The following ICAM2 variants were observed in gnomAD, a reference collection of about 807,000 sequenced individuals.
ICAM2 encodes ICAM-2.
In ICAM2, 14 loss-of-function variants were observed where a neutral mutation model predicts 19.1. That is an observed-to-expected ratio of 0.73 (90% CI 0.48 to 1.15). The LOEUF (loss-of-function observed/expected upper bound fraction) is 1.15, where lower values mean the gene tolerates loss of function less well. Among genes scored for constraint, ICAM2 ranks in the 50% most tolerant of loss-of-function variants. The probability of loss-of-function intolerance (pLI) is 0.00; values close to 1 mark genes in which losing one functional copy is unlikely to be tolerated. For synonymous variants in ICAM2, 153 were observed against 152.7 expected (o/e 1.00, Z -0.01); for missense variants, 311 against 355.4 (o/e 0.88, Z 1.00).
chr17:64,016,586 C>A (rs771965533), intron 1 of ICAM2, among the ~76,000 whole-genome samples: 2 of 152,264 alleles, frequency 1.3e-5, no homozygotes, highest in Non-Finnish European at 2.9e-5. Context: ...AGTGGATATA[C>A]TTTCCAGCCT....
intron 1 of ICAM2, among the ~76,000 whole-genome samples, chr17:64,018,179 A>C (rs574100218): frequency 6.6e-6 from 1 of 151,938 alleles, no homozygotes; most frequent in East Asian, 1.9e-4. Flanking sequence ...TGAAAATACA[A>C]AAAAATTAGC....
chr17:64,018,736 T>TTTC (rs1911820481), intron 1 of ICAM2, among the ~76,000 whole-genome samples: 1 of 142,362 alleles, frequency 7.0e-6, no homozygotes, highest in South Asian at 2.3e-4. Context: ...TTTTTTTTTT[T>TTTC]TTTGAGACGG....
intron 1 of ICAM2, among the ~76,000 whole-genome samples, chr17:64,014,488 AAAGAAAGG>A (rs1911606299): frequency 6.7e-6 from 1 of 148,274 alleles, no homozygotes; most frequent in African/African-American, 2.5e-5. Context: ...AGGAAGAAAG[AAAGAAAGG>A]AAGGAAGGAA....
rs1911580724 is a variant in ICAM2 at position 64,014,365 on chromosome 17, A to AAGAAAGAAAG, written c.-45+6148_-45+6157dup. 5.1e-5 allele frequency among the ~76,000 whole-genome samples: 3 copies of AAGAAAGAAAG among 59,166 alleles called. No individual in the cohort carries two copies. The South Asian group carries it at 2.2e-3, about 43-fold the overall frequency. 38.8% of individuals were successfully genotyped at this position (59,166 alleles called of 152,430 possible). On this transcript the variant is annotated intron_variant, in intron 1 of 4. Coordinates refer to ENST00000579788, the MANE Select transcript of ICAM2 (RefSeq NM_001099789.2). Reference sequence around the variant, plus strand: ...AAAGAAAGAAAGAAAGAAAGAAAGAAAGAAAGAAAGAAAGGAAGGAAGGAA... The same window carrying AAGAAAGAAAG: ...AAAGAAAGAAAGAAAGAAAGAAAGAAAGAAAGAAAGAGAAAGAAAGAAAGGAAGGAAGGAA...
chr17:64,002,606 G>GTT lies in ICAM2; in HGVS notation c.*139_*140dup, dbSNP rs1451237155. On this transcript the variant is annotated 3_prime_UTR_variant, in exon 5 of 5. Coordinates refer to ENST00000579788, the MANE Select transcript of ICAM2 (RefSeq NM_001099789.2). Reference sequence around the variant, plus strand: ...TGTGGGCACAGGGCTAAGTCCAGGTGTTTGTATTCGGGCTAGAAAAGGCAA... The same window carrying GTT: ...TGTGGGCACAGGGCTAAGTCCAGGTGTTTTTGTATTCGGGCTAGAAAAGGCAA... The GTT allele has an allele frequency of 1.9e-5, 14 of 744,792 alleles. No homozygotes were observed. The East Asian group carries it at 2.7e-4, about 14-fold the overall frequency. The allele number at this position is 744,792 out of a possible 1,614,324, so 46.1% of individuals were successfully genotyped here.
chr17:64,010,540 GAAA>G (rs58057567), intron 1 of ICAM2, among the ~76,000 whole-genome samples: 1 of 144,648 alleles, frequency 6.9e-6, no homozygotes, highest in Non-Finnish European at 1.5e-5. Context: ...TTGTTTGAAA[GAAA>G]AAAAAAAAAA....
intron 1 of ICAM2, among the ~76,000 whole-genome samples, chr17:64,009,905 G>A (rs1911379172): frequency 6.6e-6 from 1 of 152,188 alleles, no homozygotes; most frequent in African/African-American, 2.4e-5. Context: ...CCCCACTGAT[G>A]CCAGCCAGTC....
chr17:64,003,697 C>T lies in ICAM2; in HGVS notation c.596G>A (p.Arg199His), dbSNP rs5504. ...SCLAVLDLMS[R>H]GGNIFHKHSA... ...GTGTTTGTGAAAGATGTTGCCACCG[C>T]GAGACATCAAGTCCAGCACAGCCAG... Residue 199 changes from arginine (R) to histidine (H), a missense_variant, in exon 4 of 5, where the codon CGC (arginine) becomes CAC (histidine). By Grantham distance (29) the Arg-to-His change is conservative. Transcript: ENST00000579788. The T allele has an allele frequency of 1.0e-4, 163 of 1,614,188 alleles. No individual in the cohort carries two copies. In the African/African-American group the frequency reaches 1.6e-3, roughly 16 times the overall value.
intron 4 of ICAM2, 25 bp downstream of exon 4, chr17:64,003,619 A>G (rs773393312): frequency 6.9e-6 from 11 of 1,596,966 alleles, no homozygotes; most frequent in East Asian, 2.2e-5. Flanking sequence ...ATCACTCCCA[A>G]CTCCATCCAC....
intron 1 of ICAM2, among the ~76,000 whole-genome samples, chr17:64,009,610 CAG>C (rs1310679677): frequency 1.3e-5 from 2 of 152,084 alleles, no homozygotes; most frequent in African/African-American, 2.4e-5. Flanking sequence ...ACCTTGCATA[CAG>C]AGAGTTACTG....
At chr17:64,019,711 G>A (rs924895145) in intron 1 of ICAM2, among the ~76,000 whole-genome samples, 2 of 151,646 alleles carry the variant, frequency 1.3e-5, no homozygotes, top group African/African-American at 4.9e-5. Context: ...AGCTACTTGG[G>A]AGGCTGAGAC....
intron 1 of ICAM2, among the ~76,000 whole-genome samples, chr17:64,014,364 AAAGAAAGAAAGAAAGGAAGG>A (rs1296319887): frequency 2.0e-4 from 12 of 58,790 alleles, no homozygotes; most frequent in African/African-American, 6.7e-4. Context: ...AGAAAGAAAG[AAAGAAAGAAAGAAAGGAAGG>A]AAGGAAGGAA....
chr17:64,017,505 T>C, intron 1 of ICAM2, among the ~76,000 whole-genome samples: 1 of 152,308 alleles, frequency 6.6e-6, no homozygotes, highest in Admixed American at 6.5e-5. Context: ...TTCAATATTA[T>C]AAAGATGTAA....
chr17:64,010,079 G>A (rs553329082), intron 1 of ICAM2, among the ~76,000 whole-genome samples: 97 of 152,272 alleles, frequency 6.4e-4, no homozygotes, highest in African/African-American at 2.2e-3. Flanking sequence ...TAAAATCCCA[G>A]CCCAGAACTC....
chr17:64,019,747 C>G (rs964777507), intron 1 of ICAM2, among the ~76,000 whole-genome samples: 2 of 138,156 alleles, frequency 1.4e-5, no homozygotes, highest in Non-Finnish European at 3.0e-5. Context: ...ACCCAGCAGG[C>G]GAAGGTTGTG....
intron 3 of ICAM2, 24 bp downstream of exon 3, chr17:64,005,083 G>A (rs758525278): frequency 1.9e-6 from 3 of 1,613,716 alleles, no homozygotes; most frequent in East Asian, 4.5e-5. Context: ...GGGGAGAGGA[G>A]GGCCCCGCAG....
chr17:64,003,596 C>A, intron 4 of ICAM2, 48 bp downstream of exon 4: 1 of 1,552,728 alleles, frequency 6.4e-7, no homozygotes. Flanking sequence ...CCCCGAGGGG[C>A]TGAAAGTGAC....
At chr17:64,017,601 G>C (rs187363147) in intron 1 of ICAM2, among the ~76,000 whole-genome samples, 1 of 152,214 alleles carries the variant, frequency 6.6e-6, no homozygotes. Flanking sequence ...CTGATTTTAA[G>C]GTTTATATGG....
intron 1 of ICAM2, among the ~76,000 whole-genome samples, chr17:64,010,779 A>G (rs1270224554): frequency 6.6e-6 from 1 of 152,218 alleles, no homozygotes; most frequent in African/African-American, 2.4e-5. Flanking sequence ...CAATAATGGT[A>G]ATATTAATCA....
Sources: allele counts gnomAD v4.1 joint callset (sites outside exome capture counted in the v4.1 genomes callset), GRCh38; gene constraint gnomAD v4.1.1; transcripts MANE v1.5; gene names NCBI Gene and HGNC (gene_info 2026-07-23, HGNC 2026-07-21).